Variants in MDGA2 observed in about 807,000 individuals in gnomAD.
MDGA2 encodes the protein MAM domain containing glycosylphosphatidylinositol anchor 2.
MDGA2 carries 40 observed loss-of-function variants against 117.8 expected under a neutral mutation model. That is an observed-to-expected ratio of 0.34 (90% CI 0.26 to 0.44). The LOEUF (loss-of-function observed/expected upper bound fraction) is 0.44. MDGA2 is among the 20% of genes least tolerant of loss of function. MDGA2 has a pLI of 1.00. For synonymous variants in MDGA2, 452 were observed against 439.0 expected (o/e 1.03, Z -0.37); for missense variants, 1,123 against 1,250.6 (o/e 0.90, Z 1.54).
intron 10 of MDGA2, among the ~76,000 whole-genome samples, chr14:46,895,964 A>C (rs1342953206): frequency 1.3e-5 from 2 of 152,082 alleles, no homozygotes; most frequent in Non-Finnish European, 2.9e-5. Flanking sequence ...CTAAAGTTCA[A>C]TCTTATTCTC....
intron 1 of MDGA2, among the ~76,000 whole-genome samples, chr14:47,398,419 A>G (rs542711049): frequency 2.3e-4 from 35 of 152,294 alleles, no homozygotes; most frequent in African/African-American, 8.4e-4. Context: ...TGTTTTAATC[A>G]TCTTCCATCT....
At chr14:47,155,686 G>T (rs1251674594) in intron 3 of MDGA2, among the ~76,000 whole-genome samples, 3 of 151,942 alleles carry the variant, frequency 2.0e-5, no homozygotes, top group African/African-American at 7.2e-5. Context: ...CCCTTGACAG[G>T]TGTGAGATCC....
At chr14:47,306,737 C>G (rs72683805) in intron 1 of MDGA2, among the ~76,000 whole-genome samples, 13,539 of 151,996 alleles carry the variant, frequency 0.089, 728 homozygotes, top group Non-Finnish European at 0.11. Flanking sequence ...TCTCCTAGAA[C>G]CTCTAGTGAA....
intron 1 of MDGA2, among the ~76,000 whole-genome samples, chr14:47,614,101 T>C (rs193180316): frequency 2.7e-5 from 4 of 146,826 alleles, no homozygotes; most frequent in East Asian, 1.9e-4. Context: ...TTTTCTTTTT[T>C]TTTTTTTTTT....
At chr14:47,503,870 T>C (rs1161408121) in intron 1 of MDGA2, among the ~76,000 whole-genome samples, 1 of 152,234 alleles carries the variant, frequency 6.6e-6, no homozygotes, top group East Asian at 1.9e-4. Flanking sequence ...TATGTATCTG[T>C]GACATTCTTT....
At chr14:47,302,275 GT>G (rs1385920831) in intron 1 of MDGA2, among the ~76,000 whole-genome samples, 1 of 152,162 alleles carries the variant, frequency 6.6e-6, no homozygotes, top group Non-Finnish European at 1.5e-5. Context: ...CTTACACATC[GT>G]TGGGGACAAC....
At chr14:47,059,123 G>C in intron 7 of MDGA2, 2 of 979,306 alleles carry the variant, frequency 2.0e-6, no homozygotes, top group African/African-American at 1.7e-5. Context: ...CAATGGGAGG[G>C]GAGAAAACCT....
intron 1 of MDGA2, among the ~76,000 whole-genome samples, chr14:47,539,833 T>C (rs1895301271): frequency 6.6e-6 from 1 of 152,226 alleles, no homozygotes; most frequent in Non-Finnish European, 1.5e-5. Context: ...CAGTCACCTG[T>C]AAGGCGTTCC....
intron 2 of MDGA2, among the ~76,000 whole-genome samples, chr14:47,299,936 T>C (rs1420238230): frequency 1.3e-5 from 2 of 152,206 alleles, no homozygotes; most frequent in Non-Finnish European, 2.9e-5. Context: ...TAATTATTCT[T>C]TCAGATTACT....
At chr14:47,250,589 C>A (rs778240146) in intron 2 of MDGA2, among the ~76,000 whole-genome samples, 1 of 152,104 alleles carries the variant, frequency 6.6e-6, no homozygotes, top group African/African-American at 2.4e-5. Context: ...TCTCTTCTTC[C>A]ACCATGTGAG....
intron 9 of MDGA2, among the ~76,000 whole-genome samples, chr14:46,953,865 G>T (rs1200198515): frequency 6.6e-6 from 1 of 151,982 alleles, no homozygotes; most frequent in Non-Finnish European, 1.5e-5. Context: ...GCTGCATTTT[G>T]CTGCAGATTG....
chr14:46,963,077 A>AT (rs540750006), intron 8 of MDGA2, among the ~76,000 whole-genome samples: 83 of 152,186 alleles, frequency 5.5e-4, no homozygotes, highest in African/African-American at 1.9e-3. Context: ...ATAGTGAAGC[A>AT]TTTTTTCTGT....
chr14:47,258,883 C>T (rs938550259), intron 2 of MDGA2, among the ~76,000 whole-genome samples: 4 of 151,204 alleles, frequency 2.6e-5, no homozygotes, highest in Admixed American at 1.3e-4. Flanking sequence ...AATTTTAATT[C>T]CTGGAAATTC....
chr14:47,200,986 C>G, intron 3 of MDGA2: 1 of 830,800 alleles, frequency 1.2e-6, no homozygotes, highest in Non-Finnish European at 2.1e-6. Context: ...AATGTTGATG[C>G]CTTCGCAGCA....
At chr14:47,628,099 C>G (rs944536570) in intron 1 of MDGA2, among the ~76,000 whole-genome samples, 2 of 152,162 alleles carry the variant, frequency 1.3e-5, no homozygotes, top group Admixed American at 6.5e-5. Context: ...AACCTGAACT[C>G]TTTACCAGCT....
At chr14:47,293,358 C>T (rs1322574067) in intron 2 of MDGA2, among the ~76,000 whole-genome samples, 1 of 152,120 alleles carries the variant, frequency 6.6e-6, no homozygotes, top group South Asian at 2.1e-4. Context: ...TCATAATTAA[C>T]CCAAGTCATG....
chr14:47,430,579 G>T (rs779665658), intron 1 of MDGA2, among the ~76,000 whole-genome samples: 11 of 151,872 alleles, frequency 7.2e-5, no homozygotes, highest in Non-Finnish European at 1.3e-4. Flanking sequence ...AAAAAAAGGG[G>T]TACCATTATA....
chr14:46,842,047 A>C (rs748513790), intron 16 of MDGA2, 28 bp from the exon 17 acceptor site: 3 of 1,523,712 alleles, frequency 2.0e-6, no homozygotes, highest in East Asian at 2.3e-5. Flanking sequence ...AAATGCAAAC[A>C]AAAAAAGAAG....
At chr14:46,897,666 AC>A (rs553371101) in intron 10 of MDGA2, among the ~76,000 whole-genome samples, 92,766 of 150,378 alleles carry the variant, frequency 0.62, 29,718 homozygotes, top group Admixed American at 0.73. Context: ...TAAGAATTAT[AC>A]AAGTGTTAGC....
Sources: allele counts gnomAD v4.1 joint callset (sites outside exome capture counted in the v4.1 genomes callset), GRCh38; gene constraint gnomAD v4.1.1; transcripts MANE v1.5; gene names NCBI Gene and HGNC (gene_info 2026-07-23, HGNC 2026-07-21).